TMEM108: variants seen among roughly 807,000 people sequenced by gnomAD.
TMEM108 encodes the protein transmembrane protein 108.
A neutral mutation model predicts 35.1 loss-of-function variants in TMEM108; 12 were observed. The observed-to-expected ratio is 0.34, with a 90% CI of 0.22 to 0.55. TMEM108 has a LOEUF of 0.55. Among genes scored for constraint, TMEM108 ranks in the 20% least tolerant of loss-of-function variants. The pLI, the probability that TMEM108 is intolerant of heterozygous loss-of-function variation, is 0.89. For synonymous variants in TMEM108, 287 were observed against 308.6 expected, an observed-to-expected ratio of 0.93 and a Z score of 0.73; for missense variants, 680 against 753.3, an observed-to-expected ratio of 0.90 and a Z score of 1.14.
At chr3:133,382,296 G>A (rs2073034229) in intron 4 of TMEM108, among the ~76,000 whole-genome samples, 1 of 152,186 alleles carries the variant, frequency 6.6e-6, no homozygotes, top group Non-Finnish European at 1.5e-5. Context: ...TTGCCTTCTT[G>A]TGATTCCCAC....
intron 3 of TMEM108, among the ~76,000 whole-genome samples, chr3:133,285,622 C>T (rs754223068): frequency 6.6e-6 from 1 of 152,184 alleles, no homozygotes; most frequent in Non-Finnish European, 1.5e-5. Flanking sequence ...CAGTAGCAAG[C>T]AATGGCACAT....
At chr3:133,064,226 T>C (rs2107684295) in intron 2 of TMEM108, among the ~76,000 whole-genome samples, 1 of 152,290 alleles carries the variant, frequency 6.6e-6, no homozygotes, top group Non-Finnish European at 1.5e-5. Flanking sequence ...TTCTATCTTC[T>C]GGTCACTCCA....
At chr3:133,384,244 A>C (rs963799195) in intron 4 of TMEM108, among the ~76,000 whole-genome samples, 3 of 131,224 alleles carry the variant, frequency 2.3e-5, no homozygotes, top group Non-Finnish European at 3.4e-5. Context: ...CTGAGTCAGG[A>C]GTAAAGTGCA....
At chr3:133,050,629 C>T (rs1005500483) in intron 2 of TMEM108, among the ~76,000 whole-genome samples, 2 of 151,956 alleles carry the variant, frequency 1.3e-5, no homozygotes, top group African/African-American at 2.4e-5. Flanking sequence ...GGTATTTTCA[C>T]TGCCCTAAAA....
intron 2 of TMEM108, among the ~76,000 whole-genome samples, chr3:133,097,079 G>A (rs905539302): frequency 6.6e-6 from 1 of 152,246 alleles, no homozygotes; most frequent in African/African-American, 2.4e-5. Context: ...GTTAAGTTCT[G>A]TAGAGGCCAT....
intron 2 of TMEM108, among the ~76,000 whole-genome samples, chr3:133,094,509 G>A (rs1160414907): frequency 2.0e-5 from 3 of 152,072 alleles, no homozygotes; most frequent in South Asian, 2.1e-4. Flanking sequence ...CAGGCATACC[G>A]ATAAAACAAG....
intron 3 of TMEM108, among the ~76,000 whole-genome samples, chr3:133,251,213 T>C (rs991673767): frequency 6.6e-5 from 10 of 152,200 alleles, no homozygotes; most frequent in African/African-American, 1.2e-4. Context: ...GCAAGTATTA[T>C]ATGTGCTATA....
chr3:133,168,083 C>T (rs930376411), intron 2 of TMEM108, among the ~76,000 whole-genome samples: 8 of 152,062 alleles, frequency 5.3e-5, no homozygotes, highest in Non-Finnish European at 1.0e-4. Flanking sequence ...TAATGCTGGC[C>T]AGTTGTGTCT....
At chr3:133,323,475 G>A (rs2071291692) in intron 3 of TMEM108, among the ~76,000 whole-genome samples, 1 of 152,116 alleles carries the variant, frequency 6.6e-6, no homozygotes, top group Admixed American at 6.5e-5. Flanking sequence ...CCAGGGAGGT[G>A]AAAGATCTCT....
chr3:133,302,588 AT>A (rs1344615483), intron 3 of TMEM108, among the ~76,000 whole-genome samples: 9 of 151,280 alleles, frequency 5.9e-5, no homozygotes, highest in Non-Finnish European at 1.5e-5. Flanking sequence ...TGCCCAGCTA[AT>A]TTTTGTATTT....
At chr3:133,110,535 G>A (rs183892662) in intron 2 of TMEM108, among the ~76,000 whole-genome samples, 48 of 152,146 alleles carry the variant, frequency 3.2e-4, no homozygotes, top group African/African-American at 9.7e-4. Context: ...AATTGACTTT[G>A]ACCTGTAGTG....
intron 3 of TMEM108, among the ~76,000 whole-genome samples, chr3:133,364,840 C>T (rs969873480): frequency 1.3e-5 from 2 of 152,188 alleles, no homozygotes; most frequent in Non-Finnish European, 2.9e-5. Context: ...TCCAGAAGTA[C>T]TGCCAGAATC....
At chr3:133,315,692 C>T (rs1022148343) in intron 3 of TMEM108, among the ~76,000 whole-genome samples, 14 of 152,230 alleles carry the variant, frequency 9.2e-5, no homozygotes, top group African/African-American at 3.4e-4. Context: ...GTAGTTAAGT[C>T]TGTCTCAGAA....
intron 2 of TMEM108, among the ~76,000 whole-genome samples, chr3:133,203,711 G>C (rs75365990): frequency 0.015 from 2,282 of 152,224 alleles, 74 homozygotes; most frequent in African/African-American, 0.051. Flanking sequence ...ATTTTATTGA[G>C]GATTTTCGCG....
intron 2 of TMEM108, among the ~76,000 whole-genome samples, chr3:133,121,436 G>T (rs576698837): frequency 6.6e-6 from 1 of 152,244 alleles, no homozygotes; most frequent in Admixed American, 6.5e-5. Flanking sequence ...TCTGACAAAA[G>T]AATCAGTACT....
chr3:133,103,554 C>A lies in TMEM108; in HGVS notation c.-47+57534C>A, dbSNP rs530531615. On this transcript the variant is annotated intron_variant, in intron 2 of 5. Transcript: ENST00000321871. ...CCATGATACAAGTTTACCTATATAACCTGCACTTGTACCCCTTTAGTTAAA... is the reference window on the plus strand; with the variant it reads ...CCATGATACAAGTTTACCTATATAAACTGCACTTGTACCCCTTTAGTTAAA... Among the ~76,000 whole-genome samples, 8 of 152,144 alleles carry A rather than the reference C, an allele frequency of 5.3e-5. No homozygotes were observed. The East Asian group carries it at 1.5e-3, about 29-fold the overall frequency.
intron 3 of TMEM108, among the ~76,000 whole-genome samples, chr3:133,271,666 A>C (rs1946772728): frequency 6.6e-6 from 1 of 152,146 alleles, no homozygotes; most frequent in South Asian, 2.1e-4. Flanking sequence ...AGTGATTAAC[A>C]CAACAGACGC....
intron 3 of TMEM108, among the ~76,000 whole-genome samples, chr3:133,310,098 C>G (rs2107710825): frequency 6.6e-6 from 1 of 152,150 alleles, no homozygotes; most frequent in Non-Finnish European, 1.5e-5. Context: ...CTGAGGAGTT[C>G]TTTTATATTT....
chr3:133,303,255 G>A (rs1334127118), intron 3 of TMEM108: 1 of 152,090 alleles, frequency 6.6e-6, no homozygotes, highest in Non-Finnish European at 1.5e-5. Context: ...ACCATTTTTT[G>A]AGTATGTACA....
Sources: allele counts gnomAD v4.1 joint callset (sites outside exome capture counted in the v4.1 genomes callset), GRCh38; gene constraint gnomAD v4.1.1; transcripts MANE v1.5; gene names NCBI Gene and HGNC (gene_info 2026-07-23, HGNC 2026-07-21).